The following VTI1A variants were observed in gnomAD, a reference collection of about 807,000 sequenced individuals.
VTI1A encodes the protein vesicle transport through interaction with t-SNAREs 1A.
A neutral mutation model predicts 34.9 loss-of-function variants in VTI1A; 22 were observed. That is an observed-to-expected ratio of 0.63 (90% CI 0.45 to 0.90). VTI1A has a LOEUF of 0.90. VTI1A is among the 40% of genes least tolerant of loss of function. The probability of loss-of-function intolerance (pLI) is 0.00; values close to 1 mark genes in which losing one functional copy is unlikely to be tolerated. For synonymous variants in VTI1A, 87 were observed against 97.3 expected (o/e 0.89, Z 0.62); for missense variants, 268 against 275.6 (o/e 0.97, Z 0.20).
chr10:112,736,459 C>T (rs1161125909), intron 7 of VTI1A, among the ~76,000 whole-genome samples: 3 of 151,906 alleles, frequency 2.0e-5, no homozygotes, highest in Non-Finnish European at 4.4e-5. Context: ...GATGGGCAGA[C>T]GGATAGATGG....
chr10:112,744,904 T>C (rs181456295), intron 7 of VTI1A, among the ~76,000 whole-genome samples: 80 of 152,298 alleles, frequency 5.3e-4, no homozygotes, highest in African/African-American at 1.9e-3. Context: ...AGAACAGGTT[T>C]TGTGGGACCT....
chr10:112,610,918 C>CAA (rs768295498), intron 5 of VTI1A, among the ~76,000 whole-genome samples: 55 of 120,390 alleles, frequency 4.6e-4, no homozygotes, highest in African/African-American at 1.3e-3. Context: ...GACTCCATCT[C>CAA]AAAAAAAAAA....
chr10:112,689,115 C>T (rs963618238), intron 7 of VTI1A, among the ~76,000 whole-genome samples: 10 of 152,032 alleles, frequency 6.6e-5, no homozygotes, highest in Admixed American at 2.0e-4. Flanking sequence ...TTAATTTTAA[C>T]GTGTTTGATG....
In VTI1A at chr10:112,766,267, A is replaced by G. The variant is rs1055541000; in HGVS notation, c.561-49023A>G. ...TAAAACTGACTACAAGCAATGCAACAAGTGTGGAAATTATACATAAATAAG... is the reference window on the plus strand; with the variant it reads ...TAAAACTGACTACAAGCAATGCAACGAGTGTGGAAATTATACATAAATAAG... On this transcript the variant is annotated intron_variant, in intron 7 of 7. Transcript: ENST00000393077. Among the ~76,000 whole-genome samples the G allele has an allele frequency of 4.6e-5, 7 of 152,378 alleles. No homozygotes were observed. In the East Asian group the frequency reaches 1.3e-3, roughly 29 times the overall value.
rs181921443 is a variant in VTI1A at position 112,491,937 on chromosome 10, A to G, written c.264+27280A>G. Among the ~76,000 whole-genome samples the G allele has an allele frequency of 1.9e-3, 287 of 152,338 alleles. 3 individuals carry two copies. Among genetic ancestry groups the G allele is most frequent in the Non-Finnish European group, 3.3e-3 (226 of 68,036 alleles). On this transcript the variant is annotated intron_variant, in intron 3 of 7. Coordinates refer to ENST00000393077, the MANE Select transcript of VTI1A (RefSeq NM_145206.4). ...TTCTCAATTTTGGCAGCACATTAGA[A>G]TCACCTGCAGAGCTTTAGAAACTAC...
chr10:112,823,789 A>T, the VTI1A span: 1 of 152,242 alleles, frequency 6.6e-6, no homozygotes, highest in Non-Finnish European at 1.5e-5. Flanking sequence ...TTTTGAAATG[A>T]GGAAGTGTGG....
chr10:112,783,546 G>A lies in VTI1A; in HGVS notation c.561-31744G>A, dbSNP rs551324876. Among the ~76,000 whole-genome samples the A allele has an allele frequency of 4.6e-5, 7 of 152,270 alleles. No individual in the cohort carries two copies. The South Asian group carries it at 1.5e-3, about 32-fold the overall frequency. On this transcript the variant is annotated intron_variant, in intron 7 of 7. Transcript: ENST00000393077. Reference sequence around the variant, plus strand: ...TGGACCCTAATGAGATTTCAATACTGAGCAAACAATAAAAATTTATGCATT... The same window carrying A: ...TGGACCCTAATGAGATTTCAATACTAAGCAAACAATAAAAATTTATGCATT...
chr10:112,728,472 G>A (rs1590122878), intron 7 of VTI1A, among the ~76,000 whole-genome samples: 3 of 152,266 alleles, frequency 2.0e-5, no homozygotes, highest in East Asian at 3.9e-4. Flanking sequence ...ACATTGAAGG[G>A]ATAAAGGAGC....
chr10:112,653,139 C>T lies in VTI1A; in HGVS notation c.428-15079C>T, dbSNP rs552050253. Among the ~76,000 whole-genome samples, 10 of 152,250 alleles carry T rather than the reference C, an allele frequency of 6.6e-5. No individual in the cohort carries two copies. The East Asian group carries it at 1.4e-3, about 21-fold the overall frequency. On this transcript the variant is annotated intron_variant, in intron 5 of 7. Coordinates refer to ENST00000393077, the MANE Select transcript of VTI1A (RefSeq NM_145206.4). ...AAATGAAGAGGATGAAGTCATGTTA[C>T]GAAGTCATTTACTCAGTGTACACCC...
intron 7 of VTI1A, among the ~76,000 whole-genome samples, chr10:112,685,264 A>G (rs1488556249): frequency 6.6e-6 from 1 of 152,144 alleles, no homozygotes; most frequent in African/African-American, 2.4e-5. Context: ...TGGTGTCAGG[A>G]TCATCCATGA....
intron 5 of VTI1A, among the ~76,000 whole-genome samples, chr10:112,588,718 G>A (rs568610502): frequency 3.3e-5 from 5 of 152,280 alleles, no homozygotes; most frequent in Admixed American, 2.0e-4. Context: ...TTGCAAGCCC[G>A]TATTCCTCAC....
intron 5 of VTI1A, among the ~76,000 whole-genome samples, chr10:112,569,245 C>T (rs762923223): frequency 1.3e-5 from 2 of 151,996 alleles, no homozygotes; most frequent in Non-Finnish European, 2.9e-5. Context: ...GCTGAGAAGG[C>T]GGACAACTGT....
intron 5 of VTI1A, among the ~76,000 whole-genome samples, chr10:112,614,797 A>G (rs1039086126): frequency 2.6e-5 from 4 of 152,208 alleles, no homozygotes; most frequent in Non-Finnish European, 5.9e-5. Context: ...CACAGTTATG[A>G]AAGAAATTAC....
rs1354386918 is a variant in VTI1A, at chr10:112,639,272, G to A, written c.428-28946G>A. 2.0e-5 allele frequency among the ~76,000 whole-genome samples: 3 copies of A among 152,212 alleles called. No homozygotes were observed. In the East Asian group the frequency reaches 5.8e-4, roughly 29 times the overall value. On this transcript the variant is annotated intron_variant, in intron 5 of 7. Transcript: ENST00000393077. ...ATTGACAATTAAAAATGCATAATGA[G>A]AGTCGACATGATTATAAAAAGCAAA...
intron 7 of VTI1A, among the ~76,000 whole-genome samples, chr10:112,691,764 G>A (rs1411020569): frequency 6.6e-6 from 1 of 152,232 alleles, no homozygotes; most frequent in Non-Finnish European, 1.5e-5. Context: ...TGAGGCAGAT[G>A]TGAGACTATG....
chr10:112,611,781 G>T (rs1005069821), intron 5 of VTI1A, among the ~76,000 whole-genome samples: 2 of 113,422 alleles, frequency 1.8e-5, no homozygotes, highest in Non-Finnish European at 3.5e-5. Context: ...TCGCTCTGTC[G>T]CCCAGGCTGG....
chr10:112,485,981 G>T (rs1462239674), intron 3 of VTI1A, among the ~76,000 whole-genome samples: 1 of 152,082 alleles, frequency 6.6e-6, no homozygotes, highest in Non-Finnish European at 1.5e-5. Flanking sequence ...CTGCCTCTCG[G>T]ATCTTTTTGT....
chr10:112,642,254 T>G (rs1271768714), intron 5 of VTI1A, among the ~76,000 whole-genome samples: 2 of 152,178 alleles, frequency 1.3e-5, no homozygotes, highest in African/African-American at 4.8e-5. Context: ...TCTGTGATTA[T>G]TAATAATAAT....
chr10:112,676,233 T>C (rs774930811), intron 7 of VTI1A, among the ~76,000 whole-genome samples: 2 of 152,150 alleles, frequency 1.3e-5, no homozygotes, highest in Non-Finnish European at 2.9e-5. Flanking sequence ...CCTTTCCTTA[T>C]GTCCCTATTC....
Sources: gnomAD v4.1 joint callset for allele counts (sites outside exome capture counted in the v4.1 genomes callset) on GRCh38, gnomAD v4.1.1 for gene constraint, MANE v1.5 for transcripts, NCBI Gene and HGNC (gene_info 2026-07-23, HGNC 2026-07-21) for gene names.